WDR41: variants seen among roughly 807,000 people sequenced by gnomAD.
WDR41 encodes the protein WD repeat-containing protein 41.
A neutral mutation model predicts 69.3 loss-of-function variants in WDR41; 63 were observed. The ratio of observed to expected loss-of-function variants is 0.91; its 90% CI spans 0.74 to 1.12. The LOEUF (loss-of-function observed/expected upper bound fraction) is 1.12. Among genes scored for constraint, WDR41 ranks in the 50% most tolerant of loss-of-function variants. WDR41 has a pLI of 0.00. For missense variants in WDR41, 543 were observed against 534.5 expected (o/e 1.02, Z -0.16); for synonymous variants, 185 against 192.1 (o/e 0.96, Z 0.31).
chr5:77,541,649 C>T (rs138561107), intron 1 of WDR41, among the ~76,000 whole-genome samples: 2,777 of 152,184 alleles, frequency 0.018, 59 homozygotes, highest in African/African-American at 0.055. Context: ...TCCACCACCA[C>T]GCCAGGCTAA....
chr5:77,510,155 T>C (rs1337387431), intron 1 of WDR41, among the ~76,000 whole-genome samples: 1 of 152,234 alleles, frequency 6.6e-6, no homozygotes, highest in Non-Finnish European at 1.5e-5. Flanking sequence ...TCCACATGGC[T>C]GGGGAGGCCT....
At chr5:77,454,771 T>C (rs1799762807) in intron 5 of WDR41, among the ~76,000 whole-genome samples, 1 of 152,180 alleles carries the variant, frequency 6.6e-6, no homozygotes, top group Admixed American at 6.5e-5. Flanking sequence ...TTAAAAAGAG[T>C]TGAAAATAAC....
intron 5 of WDR41, 157 bp downstream of exon 5, chr5:77,458,905 C>G (rs1799933170): frequency 1.9e-6 from 1 of 519,718 alleles, no homozygotes; most frequent in African/African-American, 2.0e-5. Flanking sequence ...TACATGTGCT[C>G]TCAAAAATCT....
chr5:77,542,276 G>C (rs191671777), intron 1 of WDR41, among the ~76,000 whole-genome samples: 1 of 152,242 alleles, frequency 6.6e-6, no homozygotes, highest in East Asian at 1.9e-4. Flanking sequence ...CCTACTGGAG[G>C]GTAAAGGGTG....
intron 1 of WDR41, among the ~76,000 whole-genome samples, chr5:77,600,071 G>A (rs994829425): frequency 6.6e-6 from 1 of 152,054 alleles, no homozygotes; most frequent in African/African-American, 2.4e-5. Context: ...CTTCTACATG[G>A]CCTATTCCTA....
intron 1 of WDR41, among the ~76,000 whole-genome samples, chr5:77,611,854 C>G (rs1175951203): frequency 2.0e-5 from 3 of 151,944 alleles, no homozygotes; most frequent in African/African-American, 7.3e-5. Flanking sequence ...AATCCAGGAG[C>G]TGGTTTTTTG....
chr5:77,596,857 G>A (rs1158435491), intron 1 of WDR41, among the ~76,000 whole-genome samples: 1 of 152,068 alleles, frequency 6.6e-6, no homozygotes, highest in Non-Finnish European at 1.5e-5. Flanking sequence ...GCTCATGCTT[G>A]TAATCCTAGC....
At chr5:77,445,734 T>C (rs1022761771) in intron 8 of WDR41, among the ~76,000 whole-genome samples, 4 of 152,128 alleles carry the variant, frequency 2.6e-5, no homozygotes, top group Non-Finnish European at 5.9e-5. Flanking sequence ...TCCTTTCATA[T>C]TAAAAATTCT....
chr5:77,469,041 C>T (rs371800638), intron 2 of WDR41, among the ~76,000 whole-genome samples: 3 of 152,080 alleles, frequency 2.0e-5, no homozygotes, highest in African/African-American at 7.2e-5. Context: ...CACATATACA[C>T]CATGGAATAC....
At chr5:77,481,028 G>GTT (rs371537112) in intron 2 of WDR41, among the ~76,000 whole-genome samples, 10 of 142,796 alleles carry the variant, frequency 7.0e-5, no homozygotes, top group South Asian at 2.2e-4. Context: ...TTTCTGGGTT[G>GTT]TTTTTTTTTT....
chr5:77,433,309 A>G (rs757925343), intron 12 of WDR41, 22 bp from the exon 13 acceptor site: 1 of 1,603,780 alleles, frequency 6.2e-7, no homozygotes, highest in Non-Finnish European at 8.5e-7. Context: ...ATTAAAACTG[A>G]TTATAGGGAC....
chr5:77,568,565 C>T (rs1032040577), intron 1 of WDR41, among the ~76,000 whole-genome samples: 1 of 152,074 alleles, frequency 6.6e-6, no homozygotes, highest in Non-Finnish European at 1.5e-5. Flanking sequence ...AGCAACTCCT[C>T]GCACAGGTAA....
intron 1 of WDR41, among the ~76,000 whole-genome samples, chr5:77,543,026 G>T (rs944763727): frequency 2.6e-5 from 4 of 152,166 alleles, no homozygotes; most frequent in Non-Finnish European, 5.9e-5. Flanking sequence ...TGGTAGACTT[G>T]CTGGATGGCT....
intron 1 of WDR41, among the ~76,000 whole-genome samples, chr5:77,534,863 G>A (rs527639977): frequency 6.6e-6 from 1 of 152,302 alleles, no homozygotes; most frequent in South Asian, 2.1e-4. Context: ...AATAAATGAT[G>A]TGTAGTGGTT....
At chr5:77,606,102 A>G (rs1318202025) in intron 1 of WDR41, among the ~76,000 whole-genome samples, 2 of 152,222 alleles carry the variant, frequency 1.3e-5, no homozygotes, top group Non-Finnish European at 2.9e-5. Flanking sequence ...CCTTCCAAGC[A>G]GAATTCATCC....
At chr5:77,618,957 T>C (rs147007017) in intron 1 of WDR41, among the ~76,000 whole-genome samples, 74 of 152,310 alleles carry the variant, frequency 4.9e-4, no homozygotes, top group African/African-American at 1.8e-3. Context: ...TGGTCTATAA[T>C]TTGTGTGAAG....
chr5:77,526,685 A>C (rs1299563374), intron 1 of WDR41, among the ~76,000 whole-genome samples: 1 of 151,844 alleles, frequency 6.6e-6, no homozygotes, highest in Non-Finnish European at 1.5e-5. Flanking sequence ...ACAAGCTATG[A>C]CTCCCTCATT....
At chr5:77,559,027 G>T (rs1743466807) in intron 1 of WDR41, among the ~76,000 whole-genome samples, 2 of 152,144 alleles carry the variant, frequency 1.3e-5, no homozygotes, top group Non-Finnish European at 2.9e-5. Flanking sequence ...GTCTATGAAA[G>T]CTGTTATTAC....
chr5:77,567,294 G>A (rs1743651358), intron 1 of WDR41, among the ~76,000 whole-genome samples: 1 of 152,106 alleles, frequency 6.6e-6, no homozygotes, highest in Non-Finnish European at 1.5e-5. Flanking sequence ...CTAACAAACA[G>A]AATAAGTGAC....
Sources: gnomAD v4.1 joint callset for allele counts (sites outside exome capture counted in the v4.1 genomes callset) on GRCh38, gnomAD v4.1.1 for gene constraint, MANE v1.5 for transcripts, NCBI Gene and HGNC (gene_info 2026-07-23, HGNC 2026-07-21) for gene names.